ADAMTS12: variants seen among roughly 807,000 people sequenced by gnomAD.
ADAMTS12 encodes the protein A disintegrin and metalloproteinase with thrombospondin motifs 12.
A neutral mutation model predicts 167.8 loss-of-function variants in ADAMTS12; 118 were observed. That is an observed-to-expected ratio of 0.70 (90% CI 0.61 to 0.82). The LOEUF (loss-of-function observed/expected upper bound fraction) is 0.82, where lower values mean the gene tolerates loss of function less well. Ranked by LOEUF, ADAMTS12 falls within the 40% of genes least tolerant of loss-of-function variation. The pLI is 0.00. For missense variants in ADAMTS12, 1,916 were observed against 1,998.8 expected (o/e 0.96, Z 0.79); for synonymous variants, 704 against 716.9 (o/e 0.98, Z 0.29).
At chr5:33,570,400 G>C (rs540471444) in intron 19 of ADAMTS12, among the ~76,000 whole-genome samples, 1 of 152,106 alleles carries the variant, frequency 6.6e-6, no homozygotes, top group Non-Finnish European at 1.5e-5. Flanking sequence ...TGGATCTCTC[G>C]GCAGAAACTC....
At chr5:33,804,227 T>A (rs377349503) in intron 2 of ADAMTS12, among the ~76,000 whole-genome samples, 1 of 152,196 alleles carries the variant, frequency 6.6e-6, no homozygotes, top group Non-Finnish European at 1.5e-5. Context: ...TCTTCCCCCA[T>A]CTTCATATAT....
chr5:33,820,564 G>A (rs1747831817), intron 2 of ADAMTS12, among the ~76,000 whole-genome samples: 7 of 152,128 alleles, frequency 4.6e-5, no homozygotes, highest in Non-Finnish European at 1.5e-5. Flanking sequence ...AGTCGGTTTT[G>A]ACTGAGAGAA....
intron 18 of ADAMTS12, among the ~76,000 whole-genome samples, chr5:33,580,406 C>T (rs1747004298): frequency 6.6e-6 from 1 of 152,106 alleles, no homozygotes; most frequent in African/African-American, 2.4e-5. Context: ...TGGGAACTCA[C>T]TGTCACAAGA....
chr5:33,646,082 C>G (rs1579794989), intron 9 of ADAMTS12, among the ~76,000 whole-genome samples: 1 of 152,234 alleles, frequency 6.6e-6, no homozygotes, highest in Non-Finnish European at 1.5e-5. Context: ...GAACCCAGCA[C>G]TTTCAGAGAA....
At chr5:33,678,733 G>GT (rs2112252342) in intron 5 of ADAMTS12, among the ~76,000 whole-genome samples, 1 of 152,292 alleles carries the variant, frequency 6.6e-6, no homozygotes, top group East Asian at 1.9e-4. Context: ...ACGAAGCCAG[G>GT]TGTAGGGGTT....
chr5:33,774,466 T>G (rs1390938111), intron 2 of ADAMTS12, among the ~76,000 whole-genome samples: 1 of 152,168 alleles, frequency 6.6e-6, no homozygotes, highest in Non-Finnish European at 1.5e-5. Flanking sequence ...TGCAAAAGGA[T>G]GAAAGCATGC....
At chr5:33,759,753 C>T (rs1313990142) in intron 2 of ADAMTS12, among the ~76,000 whole-genome samples, 1 of 152,180 alleles carries the variant, frequency 6.6e-6, no homozygotes, top group East Asian at 1.9e-4. Context: ...TTGTTTCTCA[C>T]TTGATAGCAC....
intron 18 of ADAMTS12, among the ~76,000 whole-genome samples, chr5:33,583,973 A>G (rs540891822): frequency 6.6e-6 from 1 of 152,338 alleles, no homozygotes; most frequent in South Asian, 2.1e-4. Flanking sequence ...TTCCAAACAC[A>G]AAACATTTCT....
Position 33,616,069 on chromosome 5 carries a change from T to C in ADAMTS12, c.2147A>G (p.Tyr716Cys), listed in dbSNP as rs773763386. 4 of 1,613,854 alleles carry C rather than the reference T, an allele frequency of 2.5e-6. No individual in the cohort carries two copies. Among genetic ancestry groups the C allele is most frequent in the Non-Finnish European group, 3.4e-6 (4 of 1,179,948 alleles). The change falls in exon 15 of 24, where the codon TAT becomes TGT. Residue 716 changes from tyrosine (Y) to cysteine (C), a missense_variant. Coordinates refer to ENST00000504830, the MANE Select transcript of ADAMTS12 (RefSeq NM_030955.4). Reference sequence around the variant, plus strand: ...TTTTGGAATGAGCCCAATGTCAACATAACCTAAAGAGAGAAGACACAATCA... The same window carrying C: ...TTTTGGAATGAGCCCAATGTCAACACAACCTAAAGAGAGAAGACACAATCA... ...KMFKQKEGSG[Y>C]VDIGLIPKGA...
Position 33,655,412 on chromosome 5 carries a change from T to C in ADAMTS12, c.1190+2772A>G, listed in dbSNP as rs1478693247. ...TTCTTCTCACGTTGGGTAGGGTAAC[T>C]CTGAAACGTGTGTTGTATATCGTTC... On this transcript the variant is annotated intron_variant, in intron 7 of 23. Transcript: ENST00000504830. Among the ~76,000 whole-genome samples the C allele has an allele frequency of 2.6e-5, 4 of 152,224 alleles. No individual in the cohort carries two copies. In the East Asian group the frequency reaches 7.7e-4, roughly 29 times the overall value.
intron 3 of ADAMTS12, among the ~76,000 whole-genome samples, chr5:33,686,803 G>T (rs958640313): frequency 2.1e-4 from 31 of 150,982 alleles, no homozygotes; most frequent in South Asian, 6.4e-4. Context: ...TATATATAGA[G>T]AGAGAGAGGG....
At chr5:33,700,786 C>T (rs62352075) in intron 3 of ADAMTS12, among the ~76,000 whole-genome samples, 3,738 of 152,188 alleles carry the variant, frequency 0.025, 75 homozygotes, top group Non-Finnish European at 0.037. Flanking sequence ...TATGATTAAG[C>T]GAGACCGGGT....
intron 3 of ADAMTS12, among the ~76,000 whole-genome samples, chr5:33,729,318 T>C (rs991495131): frequency 6.6e-6 from 1 of 152,176 alleles, no homozygotes; most frequent in Non-Finnish European, 1.5e-5. Flanking sequence ...AAAGAAAATA[T>C]TTGATTGGTT....
intron 16 of ADAMTS12, among the ~76,000 whole-genome samples, chr5:33,604,457 C>T (rs764273375): frequency 1.1e-4 from 17 of 151,140 alleles, no homozygotes; most frequent in Non-Finnish European, 1.9e-4. Context: ...GCGGAAATTA[C>T]GCCACTGCAC....
At chr5:33,810,015 C>A (rs1747393956) in intron 2 of ADAMTS12, among the ~76,000 whole-genome samples, 2 of 146,690 alleles carry the variant, frequency 1.4e-5, no homozygotes, top group South Asian at 2.2e-4. Flanking sequence ...ATTAGAAGCA[C>A]TGAAAATATG....
chr5:33,704,248 T>C (rs777003536), intron 3 of ADAMTS12, among the ~76,000 whole-genome samples: 2 of 152,216 alleles, frequency 1.3e-5, no homozygotes, highest in South Asian at 2.1e-4. Flanking sequence ...CATTCATCTA[T>C]TGATGGAAAT....
chr5:33,668,341 A>C (rs1253274236), intron 5 of ADAMTS12, among the ~76,000 whole-genome samples: 1 of 152,212 alleles, frequency 6.6e-6, no homozygotes, highest in Admixed American at 6.5e-5. Flanking sequence ...TACTGAATGC[A>C]TATAATTTTC....
At chr5:33,530,428 C>A (rs938779543) in intron 23 of ADAMTS12, among the ~76,000 whole-genome samples, 2 of 152,234 alleles carry the variant, frequency 1.3e-5, no homozygotes, top group Non-Finnish European at 2.9e-5. Flanking sequence ...CCTTCCCGGG[C>A]TCTGGGAAGC....
intron 6 of ADAMTS12, 60 bp from the exon 7 acceptor site, chr5:33,658,393 GA>G: frequency 3.2e-6 from 5 of 1,585,356 alleles, no homozygotes; most frequent in African/African-American, 1.4e-5. Flanking sequence ...AAACCTCCTG[GA>G]AAAAAATCTG....
Sources: allele counts gnomAD v4.1 joint callset (sites outside exome capture counted in the v4.1 genomes callset), GRCh38; gene constraint gnomAD v4.1.1; transcripts MANE v1.5; gene names NCBI Gene and HGNC (gene_info 2026-07-23, HGNC 2026-07-21).